The following SLC7A14 variants were observed in gnomAD, a reference collection of about 807,000 sequenced individuals.
SLC7A14 encodes gamma-aminobutyric acid transporter SLC7A14.
Under a neutral mutation model 60.2 loss-of-function variants are expected in SLC7A14, and 37 were observed. The ratio of observed to expected loss-of-function variants is 0.61; its 90% confidence interval spans 0.47 to 0.81. The LOEUF (loss-of-function observed/expected upper bound fraction) is 0.81. Among genes scored for constraint, SLC7A14 ranks in the 30% least tolerant of loss-of-function variants. The pLI, the probability that SLC7A14 is intolerant of heterozygous loss-of-function variation, is 0.00. For missense variants in SLC7A14, 886 were observed against 982.7 expected (o/e 0.90, Z 1.32); for synonymous variants, 399 against 395.8 (o/e 1.01, Z -0.10).
At position 170,467,139 on chromosome 3, in the gene SLC7A14, A is replaced by C. The variant is rs748182372; in HGVS notation, c.2232T>G (p.Ser744Arg). Reference sequence around the variant, plus strand: ...GTTTGCTTTTGCTCTTCGCTTTGCTACTTGTCCGGCCGTTTGCCTTCGCAT... The same window carrying C: ...GTTTGCTTTTGCTCTTCGCTTTGCTCCTTGTCCGGCCGTTTGCCTTCGCAT... ...MSDAKANGRT[S>R]SKAKSKSKHK... The change falls in exon 8 of 8, where the codon AGT (serine) becomes AGG (arginine). Residue 744 changes from serine to arginine, a missense_variant. Physicochemically the swap from Ser to Arg is moderately radical, Grantham distance 110 (BLOSUM62 -1). Transcript: ENST00000231706. 5.0e-6 allele frequency: 8 copies of C among 1,614,186 alleles called. No homozygotes were observed. In the Admixed American group the frequency reaches 1.2e-4, roughly 24 times the overall value.
intron 1 of SLC7A14, among the ~76,000 whole-genome samples, chr3:170,571,824 G>T (rs945606597): frequency 1.3e-5 from 2 of 152,090 alleles, no homozygotes; most frequent in African/African-American, 4.8e-5. Context: ...ACTTTGGGAG[G>T]CCAAGGCAGG....
chr3:170,488,024 A>C (rs930400862), intron 4 of SLC7A14, among the ~76,000 whole-genome samples: 1 of 152,240 alleles, frequency 6.6e-6, no homozygotes, highest in Non-Finnish European at 1.5e-5. Context: ...TTAACATATA[A>C]ATCCCTAATA....
At position 170,466,285 on chromosome 3, in the gene SLC7A14, T is replaced by A. The variant is rs1739720455; in HGVS notation, c.*770A>T. 6.6e-6 allele frequency: 1 copy of A among 152,240 alleles called. No homozygotes were observed. 9.4% of individuals were successfully genotyped at this position (152,240 alleles called of 1,614,324 possible). A position where few individuals can be genotyped will look rare whatever the true frequency, so the allele number is the denominator to read the frequency against. On this transcript the variant is annotated 3_prime_UTR_variant, in exon 8 of 8. Coordinates refer to ENST00000231706, the MANE Select transcript of SLC7A14 (RefSeq NM_020949.3). ...CATCATATCACCAGGAGCTGCAGTC[T>A]GATATAAGAGAGGCCATGACAGAGA...
intron 3 of SLC7A14, among the ~76,000 whole-genome samples, chr3:170,500,809 G>GTATTTGTC (rs145798695): frequency 0.12 from 18,493 of 151,970 alleles, 1,244 homozygotes; most frequent in East Asian, 0.19. Flanking sequence ...TAGCTACATA[G>GTATTTGTC]TATTTGTCTG....
intron 1 of SLC7A14, among the ~76,000 whole-genome samples, chr3:170,546,063 G>C (rs1413013039): frequency 6.6e-6 from 1 of 152,196 alleles, no homozygotes; most frequent in Non-Finnish European, 1.5e-5. Context: ...TGAAATACTG[G>C]TCTACCAGGC....
intron 6 of SLC7A14, among the ~76,000 whole-genome samples, chr3:170,482,748 C>T (rs1711874541): frequency 1.3e-5 from 2 of 152,176 alleles, no homozygotes; most frequent in South Asian, 2.1e-4. Flanking sequence ...CTCTCTGAGT[C>T]CTAGTAGACT....
intron 6 of SLC7A14, among the ~76,000 whole-genome samples, chr3:170,481,803 T>C (rs2108269502): frequency 6.6e-6 from 1 of 152,286 alleles, no homozygotes; most frequent in African/African-American, 2.4e-5. Context: ...GAAACCTAGA[T>C]TGAAGCCCAG....
chr3:170,538,838 T>C (rs1713927635), intron 1 of SLC7A14, among the ~76,000 whole-genome samples: 2 of 152,246 alleles, frequency 1.3e-5, no homozygotes, highest in Non-Finnish European at 2.9e-5. Context: ...TTCCCACTTC[T>C]TAGCTCCTCT....
intron 1 of SLC7A14, among the ~76,000 whole-genome samples, chr3:170,552,565 C>T (rs930108527): frequency 5.9e-5 from 9 of 152,242 alleles, no homozygotes; most frequent in South Asian, 2.1e-4. Flanking sequence ...CATATGTGAC[C>T]GTGCTGCCCA....
intron 1 of SLC7A14, among the ~76,000 whole-genome samples, chr3:170,542,390 T>C (rs1279930033): frequency 6.6e-6 from 1 of 152,116 alleles, no homozygotes; most frequent in Non-Finnish European, 1.5e-5. Context: ...AACTAGCAAG[T>C]AAAAGCACCC....
chr3:170,545,667 C>T (rs55657389), intron 1 of SLC7A14, among the ~76,000 whole-genome samples: 3,311 of 152,262 alleles, frequency 0.022, 122 homozygotes, highest in African/African-American at 0.074. Context: ...AACAAAAGTG[C>T]CTTTGGCTAA....
intron 4 of SLC7A14, among the ~76,000 whole-genome samples, chr3:170,495,349 GAA>G (rs1188053806): frequency 1.3e-5 from 2 of 152,216 alleles, no homozygotes; most frequent in Admixed American, 1.3e-4. Context: ...CTGCTACAAT[GAA>G]AATGCAACTG....
chr3:170,568,772 A>G (rs1449753721), intron 1 of SLC7A14, among the ~76,000 whole-genome samples: 1 of 152,224 alleles, frequency 6.6e-6, no homozygotes, highest in East Asian at 1.9e-4. Flanking sequence ...CTTTGAAACA[A>G]TTGTGAATGG....
At chr3:170,494,001 C>A (rs989268722) in intron 4 of SLC7A14, among the ~76,000 whole-genome samples, 1 of 152,166 alleles carries the variant, frequency 6.6e-6, no homozygotes, top group African/African-American at 2.4e-5. Flanking sequence ...TGGCCAATGA[C>A]AAATCTACTC....
rs750769253 is a variant in SLC7A14 at position 170,462,032 on chromosome 3, C to G, written c.*5023G>C. 5 of 152,366 alleles carry G rather than the reference C, an allele frequency of 3.3e-5. No individual in the cohort carries two copies. Among genetic ancestry groups the G allele is most frequent in the Non-Finnish European group, 5.9e-5 (4 of 68,156 alleles). 9.4% of individuals were successfully genotyped at this position (152,366 alleles called of 1,614,324 possible). A position where few individuals can be genotyped will look rare whatever the true frequency, so the allele number is the denominator to read the frequency against. ...TCCAATAGTGGACCCCTACCCGCTGCGTAGACTCCGTAAGCAGACCCCCGC... is the reference window on the plus strand; with the variant it reads ...TCCAATAGTGGACCCCTACCCGCTGGGTAGACTCCGTAAGCAGACCCCCGC... On this transcript the variant is annotated 3_prime_UTR_variant, in exon 8 of 8. Transcript: ENST00000231706.
intron 2 of SLC7A14, among the ~76,000 whole-genome samples, chr3:170,511,571 G>A (rs1712981336): frequency 6.6e-6 from 1 of 152,250 alleles, no homozygotes; most frequent in East Asian, 1.9e-4. Context: ...CATATGTTAG[G>A]TACTCCTTCA....
At chr3:170,547,965 G>A (rs1714230750) in intron 1 of SLC7A14, among the ~76,000 whole-genome samples, 1 of 152,160 alleles carries the variant, frequency 6.6e-6, no homozygotes, top group Non-Finnish European at 1.5e-5. Flanking sequence ...AAGCTCCTTG[G>A]AGGGGAGTTA....
intron 1 of SLC7A14, among the ~76,000 whole-genome samples, chr3:170,572,923 A>G (rs931594635): frequency 6.6e-6 from 1 of 152,182 alleles, no homozygotes; most frequent in African/African-American, 2.4e-5. Context: ...TCAAGGGGAA[A>G]ATAAAAATAT....
chr3:170,521,165 G>A lies in SLC7A14; in HGVS notation c.304+5468C>T, dbSNP rs532170276. Among the ~76,000 whole-genome samples the A allele has an allele frequency of 3.3e-5, 5 of 152,318 alleles. No homozygotes were observed. The South Asian group carries it at 8.3e-4, about 25-fold the overall frequency. On this transcript the variant is annotated intron_variant, in intron 2 of 7. Transcript: ENST00000231706. ...TAAGTTTTCTTCCACCTGTGACAGGGCAGTGGGCAATTATAACGTTGGGGC... is the reference window on the plus strand; with the variant it reads ...TAAGTTTTCTTCCACCTGTGACAGGACAGTGGGCAATTATAACGTTGGGGC...
Sources: allele counts gnomAD v4.1 joint callset (sites outside exome capture counted in the v4.1 genomes callset), GRCh38; gene constraint gnomAD v4.1.1; transcripts MANE v1.5; gene names NCBI Gene and HGNC (gene_info 2026-07-23, HGNC 2026-07-21).